The following ORC3 variants were observed in gnomAD, a reference collection of about 807,000 sequenced individuals.
The protein encoded by ORC3 is origin recognition complex subunit 3.
Under a neutral mutation model 100.7 loss-of-function variants are expected in ORC3, and 78 were observed. That is an observed-to-expected ratio of 0.77 (90% CI 0.65 to 0.94). The LOEUF (loss-of-function observed/expected upper bound fraction) is 0.94, where lower values mean the gene tolerates loss of function less well. ORC3 is among the 40% of genes least tolerant of loss of function. The pLI is 0.00. For synonymous variants in ORC3, 295 were observed against 289.3 expected (o/e 1.02, Z -0.20); for missense variants, 789 against 823.9 (o/e 0.96, Z 0.52).
intron 16 of ORC3, among the ~76,000 whole-genome samples, chr6:87,661,609 G>C (rs1448758755): frequency 1.3e-5 from 2 of 152,166 alleles, no homozygotes; most frequent in Non-Finnish European, 2.9e-5. Context: ...CAGAAGAAGA[G>C]AAAGGATACT....
downstream of ORC3, among the ~76,000 whole-genome samples, chr6:87,667,818 A>G (rs1382806190): frequency 6.6e-6 from 1 of 151,914 alleles, no homozygotes; most frequent in Non-Finnish European, 1.5e-5. Flanking sequence ...AGTCCCAGCT[A>G]CTCGGGAGCC....
intron 1 of ORC3, 54 bp from the exon 2 acceptor site, chr6:87,594,299 T>G (rs1777262197): frequency 1.5e-6 from 2 of 1,328,862 alleles, no homozygotes; most frequent in East Asian, 4.7e-5. Flanking sequence ...GTTAATCAGA[T>G]TTCTCTGCTC....
chr6:87,673,683 A>C, the ORC3 span, among the ~76,000 whole-genome samples: 1 of 152,034 alleles, frequency 6.6e-6, no homozygotes, highest in African/African-American at 2.4e-5. Flanking sequence ...TCTACTAAAA[A>C]TACAAAAATT....
rs77954797 is a variant in ORC3 at position 87,623,534 on chromosome 6, C to A, written c.1185+1521C>A. On this transcript the variant is annotated intron_variant, in intron 11 of 19. Transcript: ENST00000392844. ...CCAGGAATAGATTTTTTAAGAGTAC[C>A]TTTAACCATTGAGATGACAGAGGGA... Among the ~76,000 whole-genome samples the A allele has an allele frequency of 7.2e-5, 11 of 152,198 alleles. No individual in the cohort carries two copies. In the East Asian group the frequency reaches 1.5e-3, roughly 21 times the overall value.
intron 16 of ORC3, 50 bp downstream of exon 16, chr6:87,658,068 A>G (rs375400880): frequency 4.1e-6 from 4 of 969,390 alleles, no homozygotes; most frequent in Non-Finnish European, 6.6e-6. Context: ...TGTTTTTCCA[A>G]ATAACACTGG....
chr6:87,625,751 T>A (rs990062504), intron 11 of ORC3, among the ~76,000 whole-genome samples: 2 of 152,206 alleles, frequency 1.3e-5, no homozygotes, highest in Admixed American at 6.5e-5. Flanking sequence ...GGTGTTTCAG[T>A]CATGAAGTCT....
Position 87,610,654 on chromosome 6 carries a change from C to T in ORC3, c.713+1425C>T, listed in dbSNP as rs1301759325. On this transcript the variant is annotated intron_variant, in intron 7 of 19. Transcript: ENST00000392844. ...CTGCAAGCTCCGCTTCCCGGGTTCACGCCATTCTCCTGCCTCAGCCTCCCG... is the reference window on the plus strand; with the variant it reads ...CTGCAAGCTCCGCTTCCCGGGTTCATGCCATTCTCCTGCCTCAGCCTCCCG... Among the ~76,000 whole-genome samples the T allele has an allele frequency of 2.1e-5, 3 of 145,826 alleles. 1 individual carries two copies. The highest frequency in any genetic ancestry group is 4.5e-5 in the Non-Finnish European group (3 of 66,640).
downstream of ORC3, among the ~76,000 whole-genome samples, chr6:87,670,291 A>G (rs1770806774): frequency 6.6e-6 from 1 of 152,062 alleles, no homozygotes; most frequent in African/African-American, 2.4e-5. Flanking sequence ...TCGGCCTCCC[A>G]AGTAGCTGGG....
chr6:87,601,427 T>C, intron 2 of ORC3, among the ~76,000 whole-genome samples: 1 of 152,204 alleles, frequency 6.6e-6, no homozygotes, highest in Non-Finnish European at 1.5e-5. Flanking sequence ...TCCCAGTACT[T>C]TGGGAGGCCA....
At chr6:87,634,812 T>G in intron 11 of ORC3, 33 bp from the exon 12 acceptor site, 1 of 1,031,986 alleles carries the variant, frequency 9.7e-7, no homozygotes, top group South Asian at 1.3e-5. Context: ...ATTAGCTGAC[T>G]TACATATTAA....
intron 17 of ORC3, 88 bp downstream of exon 17, chr6:87,663,232 T>A: frequency 1.9e-6 from 2 of 1,050,766 alleles, no homozygotes; most frequent in Non-Finnish European, 2.8e-6. Flanking sequence ...AGTTATGTTT[T>A]AATGAGCAGA....
Position 87,659,218 on chromosome 6 carries a change from C to T in ORC3, c.1691+1200C>T, listed in dbSNP as rs1583167812. Among the ~76,000 whole-genome samples, 5 of 152,054 alleles carry T rather than the reference C, an allele frequency of 3.3e-5. No homozygotes were observed. In the South Asian group the frequency reaches 1.0e-3, roughly 32 times the overall value. ...AGCTGGGATTACAGGCATGTGCCAA[C>T]AGGCCTGGCTAATTTTTGTATTTTT... On this transcript the variant is annotated intron_variant, in intron 16 of 19. Coordinates refer to ENST00000392844, the MANE Select transcript of ORC3 (RefSeq NM_012381.4).
intron 16 of ORC3, among the ~76,000 whole-genome samples, chr6:87,658,268 T>C (rs1769878732): frequency 6.6e-6 from 1 of 152,128 alleles, no homozygotes; most frequent in South Asian, 2.1e-4. Flanking sequence ...CCATCCTGGC[T>C]AACAAGGTGA....
intron 13 of ORC3, among the ~76,000 whole-genome samples, chr6:87,646,601 G>A (rs1473393634): frequency 6.6e-6 from 1 of 152,176 alleles, no homozygotes; most frequent in Non-Finnish European, 1.5e-5. Flanking sequence ...TGACCTCCAT[G>A]TTCCTAAATC....
At chr6:87,665,372 A>T (rs1770515144) in intron 18 of ORC3, among the ~76,000 whole-genome samples, 1 of 152,208 alleles carries the variant, frequency 6.6e-6, no homozygotes, top group Non-Finnish European at 1.5e-5. Flanking sequence ...TATTACAAAG[A>T]TCTTAACTCT....
chr6:87,640,559 G>C (rs947020649), intron 13 of ORC3, among the ~76,000 whole-genome samples: 3 of 152,092 alleles, frequency 2.0e-5, no homozygotes, highest in Non-Finnish European at 4.4e-5. Context: ...CATTATATAA[G>C]GATATGTTTC....
intron 13 of ORC3, among the ~76,000 whole-genome samples, chr6:87,651,901 CTTT>C (rs113631905): frequency 7.0e-6 from 1 of 142,596 alleles, no homozygotes; most frequent in Non-Finnish European, 1.5e-5. Context: ...AATATTAGAA[CTTT>C]TTTTTTTTTT....
At chr6:87,636,213 T>A (rs1183831609) in intron 12 of ORC3, among the ~76,000 whole-genome samples, 194 bp from the exon 13 acceptor site, 1 of 152,130 alleles carries the variant, frequency 6.6e-6, no homozygotes, top group African/African-American at 2.4e-5. Flanking sequence ...ATTACAGGCG[T>A]GAGCCACCGC....
chr6:87,619,934 G>A (rs192331923), intron 9 of ORC3, among the ~76,000 whole-genome samples: 76 of 152,230 alleles, frequency 5.0e-4, no homozygotes, highest in South Asian at 2.1e-4. Flanking sequence ...GAGCTCAAGC[G>A]ATCTTCCATC....
Sources: allele counts gnomAD v4.1 joint callset (sites outside exome capture counted in the v4.1 genomes callset), GRCh38; gene constraint gnomAD v4.1.1; transcripts MANE v1.5; gene names NCBI Gene and HGNC (gene_info 2026-07-23, HGNC 2026-07-21).